Variants in GPCPD1 observed in about 807,000 individuals in gnomAD.
GPCPD1 encodes glycerophosphocholine phosphodiesterase GPCPD1.
GPCPD1 carries 29 observed loss-of-function variants against 89.2 expected under a neutral mutation model. That is an observed-to-expected ratio of 0.33 (90% CI 0.24 to 0.44). The LOEUF (loss-of-function observed/expected upper bound fraction) is 0.44, where lower values mean the gene tolerates loss of function less well. GPCPD1 is among the 20% of genes least tolerant of loss of function. GPCPD1 has a pLI of 1.00. For missense variants in GPCPD1, 594 were observed against 808.9 expected (o/e 0.73, Z 3.22); for synonymous variants, 258 against 266.3 (o/e 0.97, Z 0.30).
At chr20:5,582,181 C>T (rs1446798905) in intron 6 of GPCPD1, among the ~76,000 whole-genome samples, 6 of 90,120 alleles carry the variant, frequency 6.7e-5, no homozygotes, top group Admixed American at 3.0e-4. Flanking sequence ...GCGAGACTCC[C>T]GTCTCAAAAA....
intron 1 of GPCPD1, among the ~76,000 whole-genome samples, chr20:5,608,816 C>T (rs1365546332): frequency 6.6e-6 from 1 of 152,188 alleles, no homozygotes; most frequent in Admixed American, 6.5e-5. Flanking sequence ...AACGTAACAT[C>T]TATTCTGTAC....
In GPCPD1 at chr20:5,581,814, C is replaced by CTTTTTTTTTTTTTTTTT. The variant is rs11479995; in HGVS notation, c.350-1700_350-1684dup. 9.3e-5 allele frequency among the ~76,000 whole-genome samples: 7 copies of CTTTTTTTTTTTTTTTTT among 75,026 alleles called. 1 individual carries two copies. The highest frequency in any genetic ancestry group is 3.1e-4 in the African/African-American group (4 of 13,084). The allele number at this position is 75,026 out of a possible 152,430, so 49.2% of individuals were successfully genotyped here. On this transcript the variant is annotated intron_variant, in intron 6 of 19. Transcript: ENST00000379019. ...ATGCTTAATAATTGTGGGACTTTAA[C>CTTTTTTTTTTTTTTTTT]TTTTTTTTTTTTTTTTTTTTTTTTT... is the stretch of plus-strand genomic sequence containing the variant.
intron 4 of GPCPD1, among the ~76,000 whole-genome samples, chr20:5,589,751 C>T (rs1224303174): frequency 1.3e-5 from 2 of 152,124 alleles, no homozygotes; most frequent in Non-Finnish European, 2.9e-5. Context: ...ATAACTTATT[C>T]TTTAAGATCT....
chr20:5,583,457 A>C (rs1276582330), intron 6 of GPCPD1, among the ~76,000 whole-genome samples: 1 of 152,052 alleles, frequency 6.6e-6, no homozygotes, highest in African/African-American at 2.4e-5. Flanking sequence ...CTGAGGCAGG[A>C]GTATCACTTG....
chr20:5,590,153 A>G (rs1047729117), intron 4 of GPCPD1, among the ~76,000 whole-genome samples: 2 of 152,214 alleles, frequency 1.3e-5, no homozygotes, highest in African/African-American at 4.8e-5. Flanking sequence ...CTAGCCATGT[A>G]ATATCACTGC....
chr20:5,576,163 G>C (rs1325553334), intron 8 of GPCPD1, among the ~76,000 whole-genome samples, 185 bp from the exon 9 acceptor site: 1 of 151,324 alleles, frequency 6.6e-6, no homozygotes, highest in Non-Finnish European at 1.5e-5. Flanking sequence ...GCTCACGTCT[G>C]TAATCCCAGC....
rs1384465068 is a variant in GPCPD1 at position 5,547,138 on chromosome 20, G to A, written c.*523C>T. 2 of 152,606 alleles carry A rather than the reference G, an allele frequency of 1.3e-5. No individual in the cohort carries two copies. Among genetic ancestry groups the A allele is most frequent in the Non-Finnish European group, 2.9e-5 (2 of 68,030 alleles). The allele number at this position is 152,606 out of a possible 1,614,324, so 9.5% of individuals were successfully genotyped here. On this transcript the variant is annotated 3_prime_UTR_variant, in exon 20 of 20. Coordinates refer to ENST00000379019, the MANE Select transcript of GPCPD1 (RefSeq NM_019593.5). ...TCAAGGTTCATACTGAATGAAAATG[G>A]TGTTGTGTGCATGTCAACCCATGTA...
At position 5,548,775 on chromosome 20, in the gene GPCPD1, C is replaced by A. The variant is rs1033758480; in HGVS notation, c.1830-925G>T. On this transcript the variant is annotated intron_variant, in intron 19 of 19. Transcript: ENST00000379019. Reference sequence around the variant, plus strand: ...AGTGAGAGAACTGAAAAGGCTGGCTCCCAGGCCAGTGGTAGGAAACAAGAG... The same window carrying A: ...AGTGAGAGAACTGAAAAGGCTGGCTACCAGGCCAGTGGTAGGAAACAAGAG... 1.3e-5 allele frequency: 4 copies of A among 318,042 alleles called. No individual in the cohort carries two copies. The South Asian group carries it at 2.8e-4, about 22-fold the overall frequency. The allele number at this position is 318,042 out of a possible 1,614,324, so 19.7% of individuals were successfully genotyped here. A position where few individuals can be genotyped will look rare whatever the true frequency, so the allele number is the denominator to read the frequency against.
At chr20:5,606,898 A>C (rs1288102214) in intron 1 of GPCPD1, among the ~76,000 whole-genome samples, 2 of 152,234 alleles carry the variant, frequency 1.3e-5, no homozygotes, top group Non-Finnish European at 2.9e-5. Flanking sequence ...AGAGTGCAAG[A>C]CCACCAATGT....
intron 7 of GPCPD1, 29 bp from the exon 8 acceptor site, chr20:5,578,640 A>C: frequency 7.2e-7 from 1 of 1,386,240 alleles, no homozygotes; most frequent in Non-Finnish European, 1.0e-6. Flanking sequence ...AATGAGATGC[A>C]AGAAGTGGCA....
At chr20:5,594,499 A>C (rs1216231688) in intron 3 of GPCPD1, among the ~76,000 whole-genome samples, 1 of 152,008 alleles carries the variant, frequency 6.6e-6, no homozygotes, top group Non-Finnish European at 1.5e-5. Context: ...TCACCGCATT[A>C]GCCAGGATGG....
At position 5,567,532 on chromosome 20, in the gene GPCPD1, A is replaced by T; in HGVS notation, c.1178T>A (p.Phe393Tyr). 5 of 1,566,686 alleles carry T rather than the reference A, an allele frequency of 3.2e-6. No individual in the cohort carries two copies. Among genetic ancestry groups the T allele is most frequent in the Non-Finnish European group, 4.3e-6 (5 of 1,163,780 alleles). ...TGTTAATTCTTTTACTGGAATTTCA[A>T]ATAATTCAACTGGATCAGCATCAAA... Reference protein sequence around the residue: ...KKFDADPVELFEIPVKELTFD... With the variant: ...KKFDADPVELYEIPVKELTFD... The change falls in exon 13 of 20, where the codon TTT becomes TAT. Residue 393 changes from phenylalanine to tyrosine, a missense_variant. Transcript: ENST00000379019.
At chr20:5,557,667 T>A (rs555558207) in intron 19 of GPCPD1, among the ~76,000 whole-genome samples, 2 of 152,090 alleles carry the variant, frequency 1.3e-5, no homozygotes, top group Non-Finnish European at 2.9e-5. Flanking sequence ...AAAGTTGGTA[T>A]AGACAGAGAA....
At chr20:5,558,237 T>G in intron 18 of GPCPD1, 132 bp from the exon 19 acceptor site, 1 of 518,636 alleles carries the variant, frequency 1.9e-6, no homozygotes, top group Non-Finnish European at 3.4e-6. Context: ...TTCTTCCAAT[T>G]ACTTTAACTT....
intron 2 of GPCPD1, 90 bp downstream of exon 2, chr20:5,604,274 A>C (rs2122812058): frequency 1.4e-6 from 1 of 730,546 alleles, no homozygotes; most frequent in African/African-American, 1.8e-5. Context: ...AATCAGGCCC[A>C]CTCTAATAGC....
intron 19 of GPCPD1, among the ~76,000 whole-genome samples, chr20:5,548,630 A>AAAAAT (rs1291091566): frequency 4.6e-5 from 7 of 152,232 alleles, no homozygotes; most frequent in African/African-American, 1.7e-4. Context: ...ATATTCCATT[A>AAAAAT]AAAATAAAAC....
In GPCPD1 at chr20:5,547,631, G is replaced by A. The variant is rs182378290; in HGVS notation, c.*30C>T. The A allele has an allele frequency of 6.5e-4, 830 of 1,272,266 alleles. 2 individuals carry two copies. The Middle Eastern group carries it at 0.012, about 18-fold the overall frequency. The allele number at this position is 1,272,266 out of a possible 1,614,324, so 78.8% of individuals were successfully genotyped here. A position where few individuals can be genotyped will look rare whatever the true frequency, so the allele number is the denominator to read the frequency against. ...ATGAATACCCAGAACAGCGGTGCACGCCCCCAAAATGACCTCTGTGCAATA... is the reference window on the plus strand; with the variant it reads ...ATGAATACCCAGAACAGCGGTGCACACCCCCAAAATGACCTCTGTGCAATA... On this transcript the variant is annotated 3_prime_UTR_variant, in exon 20 of 20. Transcript: ENST00000379019.
chr20:5,566,702 A>T, intron 14 of GPCPD1, 31 bp downstream of exon 14: 1 of 1,348,938 alleles, frequency 7.4e-7, no homozygotes, highest in Non-Finnish European at 1.1e-6. Flanking sequence ...TAACTACAAA[A>T]GGAAAACAGT....
chr20:5,575,688 G>T, intron 9 of GPCPD1, 128 bp downstream of exon 9: 1 of 863,434 alleles, frequency 1.2e-6, no homozygotes, highest in Non-Finnish European at 1.8e-6. Flanking sequence ...AAATGTAACA[G>T]ACATGCTCCT....
Sources: gnomAD v4.1 joint callset for allele counts (sites outside exome capture counted in the v4.1 genomes callset) on GRCh38, gnomAD v4.1.1 for gene constraint, MANE v1.5 for transcripts, NCBI Gene and HGNC (gene_info 2026-07-23, HGNC 2026-07-21) for gene names.